Variants in ARHGAP32 observed in about 807,000 individuals in gnomAD.
ARHGAP32 encodes rho GTPase-activating protein 32.
ARHGAP32 carries 51 observed loss-of-function variants against 186.5 expected under a neutral mutation model. That is an observed-to-expected ratio of 0.27 (90% CI 0.22 to 0.35). ARHGAP32 has a LOEUF of 0.35. Among genes scored for constraint, ARHGAP32 ranks in the 10% least tolerant of loss-of-function variants. ARHGAP32 has a pLI of 1.00. For missense variants in ARHGAP32, 2,186 were observed against 2,623.5 expected, an observed-to-expected ratio of 0.83 and a Z score of 3.64; for synonymous variants, 950 against 964.3, an observed-to-expected ratio of 0.99 and a Z score of 0.27.
At chr11:129,216,402 C>T (rs1244637934) in intron 1 of ARHGAP32, among the ~76,000 whole-genome samples, 1 of 151,976 alleles carries the variant, frequency 6.6e-6, no homozygotes, top group African/African-American at 2.4e-5. Flanking sequence ...ATATTTAAGG[C>T]CGGTGGCAGT....
chr11:129,183,107 C>A (rs35482839), intron 1 of ARHGAP32, among the ~76,000 whole-genome samples: 17 of 152,208 alleles, frequency 1.1e-4, no homozygotes, highest in Non-Finnish European at 2.4e-4. Context: ...TCTCCATTAG[C>A]TTTTGAGAAG....
chr11:129,150,762 C>T (rs1343349944), intron 2 of ARHGAP32, among the ~76,000 whole-genome samples: 1 of 151,980 alleles, frequency 6.6e-6, no homozygotes, highest in East Asian at 1.9e-4. Context: ...AAAATAGAAC[C>T]TCCTTAAAGC....
chr11:129,236,335 T>C (rs1323435380), intron 1 of ARHGAP32, among the ~76,000 whole-genome samples: 26 of 152,176 alleles, frequency 1.7e-4, no homozygotes, highest in Admixed American at 1.6e-3. Context: ...GTTGAGCATT[T>C]TTCCATAGGC....
intron 1 of ARHGAP32, among the ~76,000 whole-genome samples, chr11:129,203,718 C>CAAAAA (rs375747287): frequency 1.2e-5 from 1 of 81,458 alleles, no homozygotes; most frequent in Non-Finnish European, 2.4e-5. Flanking sequence ...CTTGTCTCTA[C>CAAAAA]AAAAAAAAAA....
chr11:129,092,533 C>T lies in ARHGAP32; in HGVS notation c.531+1088G>A, dbSNP rs531561612. Among the ~76,000 whole-genome samples the T allele has an allele frequency of 3.7e-4, 56 of 151,972 alleles. 1 individual carries two copies. Among genetic ancestry groups the T allele is most frequent in the African/African-American group, 1.3e-3 (56 of 41,514 alleles). ...TGAAACTTAGTAATTAAGAGCTTCC[C>T]TACATTCTCAAAGAAGCCAAGGTGA... is the stretch of plus-strand genomic sequence containing the variant. On this transcript the variant is annotated intron_variant, in intron 6 of 22. Transcript: ENST00000682385.
chr11:128,981,126 G>A lies in ARHGAP32; in HGVS notation c.1780+290C>T, dbSNP rs1404702781. Among the ~76,000 whole-genome samples, 4 of 152,206 alleles carry A rather than the reference G, an allele frequency of 2.6e-5. No homozygotes were observed. In the South Asian group the frequency reaches 8.3e-4, roughly 32 times the overall value. On this transcript the variant is annotated intron_variant, in intron 17 of 22. Transcript: ENST00000682385. Reference sequence around the variant, plus strand: ...CAATCACTCAGATATTTTTAGTTTTGGAAGCAATTTTTCTTCTTCTGTTCC... The same window carrying A: ...CAATCACTCAGATATTTTTAGTTTTAGAAGCAATTTTTCTTCTTCTGTTCC...
rs188622506 is a variant in ARHGAP32 at position 129,144,799 on chromosome 11, C to T, written c.225+19520G>A. Among the ~76,000 whole-genome samples, 755 of 152,290 alleles carry T rather than the reference C, an allele frequency of 5.0e-3. 3 individuals are homozygous for T. The highest frequency in any genetic ancestry group is 0.017 in the African/African-American group (726 of 41,558). On this transcript the variant is annotated intron_variant, in intron 2 of 22. Coordinates refer to ENST00000682385, the MANE Select transcript of ARHGAP32 (RefSeq NM_001378024.1). ...GAAAGTGATTATAAAACTAGCTCTT[C>T]TGCAGCAAGGGTGTTGCCTTAAACT...
At chr11:129,182,957 T>G (rs1357874511) in intron 1 of ARHGAP32, among the ~76,000 whole-genome samples, 1 of 152,058 alleles carries the variant, frequency 6.6e-6, no homozygotes, top group Non-Finnish European at 1.5e-5. Flanking sequence ...CTTAAAAAAT[T>G]TTTTATGTTT....
At chr11:129,017,404 G>A (rs2134868442) in intron 11 of ARHGAP32, among the ~76,000 whole-genome samples, 1 of 146,976 alleles carries the variant, frequency 6.8e-6, no homozygotes, top group East Asian at 2.0e-4. Context: ...CTGAGATCGT[G>A]CCATTGCATT....
rs951908291 is a variant in ARHGAP32 at position 129,040,121 on chromosome 11, C to T, written c.1045+807G>A. On this transcript the variant is annotated intron_variant, in intron 11 of 22. Coordinates refer to ENST00000682385, the MANE Select transcript of ARHGAP32 (RefSeq NM_001378024.1). ...AAAATACCAAAAGAGTAAAGAATAA[C>T]TGTTTTTTTTTTCTTAACTCTTACA... Among the ~76,000 whole-genome samples, 17 of 148,598 alleles carry T rather than the reference C, an allele frequency of 1.1e-4. No individual in the cohort carries two copies. The Middle Eastern group carries it at 0.011, about 93-fold the overall frequency.
chr11:129,088,248 A>C (rs1941468373), intron 6 of ARHGAP32, among the ~76,000 whole-genome samples: 1 of 152,250 alleles, frequency 6.6e-6, no homozygotes, highest in Admixed American at 6.5e-5. Context: ...CAGATATAAA[A>C]CAAGAACTTT....
chr11:129,104,146 C>T (rs1941982939), intron 5 of ARHGAP32, among the ~76,000 whole-genome samples: 1 of 151,798 alleles, frequency 6.6e-6, no homozygotes, highest in Admixed American at 6.6e-5. Context: ...TGAAGAGTTC[C>T]CACCAACAAA....
chr11:129,049,890 T>C (rs1939968954), intron 10 of ARHGAP32, among the ~76,000 whole-genome samples: 1 of 152,228 alleles, frequency 6.6e-6, no homozygotes, highest in Admixed American at 6.5e-5. Context: ...AACAGTTAGA[T>C]CGTGTGGTAA....
At chr11:129,106,404 A>C (rs1942048283) in intron 5 of ARHGAP32, among the ~76,000 whole-genome samples, 1 of 152,154 alleles carries the variant, frequency 6.6e-6, no homozygotes, top group South Asian at 2.1e-4. Flanking sequence ...TATTAGCCTA[A>C]GCAAATTAAC....
At chr11:129,128,342 A>G (rs894283222) in intron 2 of ARHGAP32, among the ~76,000 whole-genome samples, 5 of 152,206 alleles carry the variant, frequency 3.3e-5, no homozygotes, top group Non-Finnish European at 7.3e-5. Context: ...CAATGGAATA[A>G]CATGTGTACA....
intron 5 of ARHGAP32, among the ~76,000 whole-genome samples, chr11:129,106,441 C>T (rs554791319): frequency 1.1e-4 from 17 of 152,184 alleles, no homozygotes; most frequent in Admixed American, 6.5e-4. Flanking sequence ...AAATACCAGA[C>T]GTTCTCACTC....
At chr11:129,086,472 G>C (rs1043577690) in intron 6 of ARHGAP32, among the ~76,000 whole-genome samples, 1 of 152,152 alleles carries the variant, frequency 6.6e-6, no homozygotes, top group African/African-American at 2.4e-5. Flanking sequence ...CTCTGCAAAA[G>C]ACAATGTCAA....
intron 1 of ARHGAP32, among the ~76,000 whole-genome samples, chr11:129,239,682 T>C (rs749796817): frequency 4.6e-5 from 7 of 152,136 alleles, no homozygotes; most frequent in Non-Finnish European, 1.0e-4. Context: ...ACTTCCCACA[T>C]TGCTGCTAAT....
chr11:129,128,152 A>G (rs958792791), intron 2 of ARHGAP32, among the ~76,000 whole-genome samples: 1 of 152,214 alleles, frequency 6.6e-6, no homozygotes, highest in African/African-American at 2.4e-5. Flanking sequence ...TCCTATACCG[A>G]TAATTTTGCC....
Sources: allele counts gnomAD v4.1 joint callset (sites outside exome capture counted in the v4.1 genomes callset), GRCh38; gene constraint gnomAD v4.1.1; transcripts MANE v1.5; gene names NCBI Gene and HGNC (gene_info 2026-07-23, HGNC 2026-07-21).